The following LPP variants were observed in gnomAD, a reference collection of about 807,000 sequenced individuals.
LPP encodes lipoma-preferred partner.
LPP carries 38 observed loss-of-function variants against 60.4 expected under a neutral mutation model. The ratio of observed to expected loss-of-function variants is 0.63; its 90% CI spans 0.49 to 0.83. The LOEUF (loss-of-function observed/expected upper bound fraction) is 0.83, where lower values mean the gene tolerates loss of function less well. LPP is among the 40% of genes least tolerant of loss of function. The pLI, the probability that LPP is intolerant of heterozygous loss-of-function variation, is 0.00. For missense variants in LPP, 902 were observed against 783.6 expected (o/e 1.15, Z -1.80); for synonymous variants, 328 against 290.8 (o/e 1.13, Z -1.30).
chr3:188,241,209 A>G (rs147971533), intron 2 of LPP, among the ~76,000 whole-genome samples: 1 of 152,308 alleles, frequency 6.6e-6, no homozygotes, highest in African/African-American at 2.4e-5. Flanking sequence ...CTGATATAGC[A>G]TGAATCCAAC....
At chr3:188,313,238 A>G (rs1473305347) in intron 2 of LPP, among the ~76,000 whole-genome samples, 3 of 152,084 alleles carry the variant, frequency 2.0e-5, no homozygotes, top group East Asian at 1.9e-4. Flanking sequence ...TAGCTTTATA[A>G]TATGTTTTAT....
intron 2 of LPP, among the ~76,000 whole-genome samples, chr3:188,240,378 A>G: frequency 7.4e-6 from 1 of 135,038 alleles, no homozygotes; most frequent in South Asian, 2.4e-4. Flanking sequence ...TGTGTGTGTG[A>G]GAGAGAGACA....
At chr3:188,500,439 A>G (rs1029477851) in intron 5 of LPP, among the ~76,000 whole-genome samples, 3 of 152,084 alleles carry the variant, frequency 2.0e-5, no homozygotes, top group African/African-American at 7.2e-5. Flanking sequence ...TCACTTGGCC[A>G]TGATATATCA....
intron 3 of LPP, among the ~76,000 whole-genome samples, chr3:188,369,693 A>G (rs138057257): frequency 6.6e-6 from 1 of 151,960 alleles, no homozygotes; most frequent in Non-Finnish European, 1.5e-5. Context: ...TCTGACAGCA[A>G]CTCTAGTGTA....
chr3:188,462,611 T>C (rs1799390274), intron 4 of LPP, among the ~76,000 whole-genome samples: 1 of 130,468 alleles, frequency 7.7e-6, no homozygotes, highest in South Asian at 2.4e-4. Flanking sequence ...TGTGTGTGTG[T>C]GTGTGTGTGT....
At chr3:188,551,717 G>A (rs966460419) in intron 6 of LPP, among the ~76,000 whole-genome samples, 3 of 152,196 alleles carry the variant, frequency 2.0e-5, no homozygotes, top group East Asian at 3.9e-4. Flanking sequence ...TGTGTGTTGC[G>A]GAAGATGGTG....
chr3:188,469,749 A>G (rs1362642057), intron 4 of LPP, among the ~76,000 whole-genome samples: 1 of 152,122 alleles, frequency 6.6e-6, no homozygotes, highest in Non-Finnish European at 1.5e-5. Context: ...TGGTGTGCTA[A>G]GAGCCATGTT....
intron 6 of LPP, among the ~76,000 whole-genome samples, chr3:188,601,814 A>C (rs1841236131): frequency 6.6e-6 from 1 of 151,996 alleles, no homozygotes. Flanking sequence ...CACGCCTGTA[A>C]TCCCAACATT....
chr3:188,706,844 C>T (rs1178500690), intron 7 of LPP, among the ~76,000 whole-genome samples: 1 of 152,154 alleles, frequency 6.6e-6, no homozygotes, highest in East Asian at 1.9e-4. Flanking sequence ...ATTCCCAACC[C>T]ACATCTCTGC....
intron 2 of LPP, among the ~76,000 whole-genome samples, chr3:188,302,251 C>G (rs2150157570): frequency 6.6e-6 from 1 of 152,252 alleles, no homozygotes; most frequent in East Asian, 1.9e-4. Context: ...CTCAAAGAGG[C>G]TAAATGATTT....
chr3:188,618,573 T>C (rs1344030886), intron 7 of LPP, among the ~76,000 whole-genome samples: 1 of 152,222 alleles, frequency 6.6e-6, no homozygotes, highest in Admixed American at 6.5e-5. Context: ...CTCTATTTTG[T>C]GTAGAGTTGT....
At chr3:188,463,239 G>A (rs960890016) in intron 4 of LPP, among the ~76,000 whole-genome samples, 2 of 152,078 alleles carry the variant, frequency 1.3e-5, no homozygotes, top group African/African-American at 4.8e-5. Context: ...TGCCCATGTA[G>A]GAGTGAGTGG....
At chr3:188,275,751 C>T (rs926325439) in intron 2 of LPP, among the ~76,000 whole-genome samples, 1 of 152,166 alleles carries the variant, frequency 6.6e-6, no homozygotes, top group Admixed American at 6.5e-5. Flanking sequence ...TCTCGGCTCA[C>T]TGCAACCTCC....
intron 9 of LPP, among the ~76,000 whole-genome samples, chr3:188,823,536 A>C (rs1310880963): frequency 2.0e-5 from 3 of 152,230 alleles, no homozygotes; most frequent in African/African-American, 7.2e-5. Context: ...AAAAAGAATA[A>C]GTAAAACAAA....
chr3:188,254,900 AC>A (rs1202333779), intron 2 of LPP, among the ~76,000 whole-genome samples: 6 of 152,176 alleles, frequency 3.9e-5, no homozygotes, highest in Non-Finnish European at 2.9e-5. Flanking sequence ...AACCATACTT[AC>A]CAGTCACCAC....
intron 6 of LPP, among the ~76,000 whole-genome samples, chr3:188,600,743 T>A (rs1840984414): frequency 6.6e-6 from 1 of 152,136 alleles, no homozygotes; most frequent in Non-Finnish European, 1.5e-5. Context: ...ATCACCATTC[T>A]GCTTTCTAGC....
chr3:188,162,027 G>C (rs1718441196), intron 1 of LPP, among the ~76,000 whole-genome samples: 1 of 151,980 alleles, frequency 6.6e-6, no homozygotes. Flanking sequence ...ACTTATTTTT[G>C]CTTGCCTAGA....
chr3:188,704,433 C>T (rs1287038870), intron 7 of LPP, among the ~76,000 whole-genome samples: 1 of 152,192 alleles, frequency 6.6e-6, no homozygotes, highest in East Asian at 1.9e-4. Context: ...GAAAGGTTGA[C>T]AAGCTCACCT....
At chr3:188,455,363 A>G (rs1797501931) in intron 4 of LPP, among the ~76,000 whole-genome samples, 1 of 152,242 alleles carries the variant, frequency 6.6e-6, no homozygotes, top group Non-Finnish European at 1.5e-5. Context: ...TAAATAGAAT[A>G]TGCGCACACC....
Sources: gnomAD v4.1 joint callset for allele counts (sites outside exome capture counted in the v4.1 genomes callset) on GRCh38, gnomAD v4.1.1 for gene constraint, MANE v1.5 for transcripts, NCBI Gene and HGNC (gene_info 2026-07-23, HGNC 2026-07-21) for gene names.